PDE1C: variants seen among roughly 807,000 people sequenced by gnomAD.
PDE1C encodes the protein phosphodiesterase 1C.
Under a neutral mutation model 93.1 loss-of-function variants are expected in PDE1C, and 62 were observed. The ratio of observed to expected loss-of-function variants is 0.67; its 90% CI spans 0.54 to 0.82. The LOEUF (loss-of-function observed/expected upper bound fraction) is 0.82. Ranked by LOEUF, PDE1C falls within the 40% of genes least tolerant of loss-of-function variation. The pLI, the probability that PDE1C is intolerant of heterozygous loss-of-function variation, is 0.00. For synonymous variants in PDE1C, 325 were observed against 310.1 expected (o/e 1.05, Z -0.50); for missense variants, 742 against 884.6 (o/e 0.84, Z 2.04).
intron 1 of PDE1C, among the ~76,000 whole-genome samples, chr7:32,312,183 C>G (rs1471767797): frequency 1.3e-5 from 2 of 152,130 alleles, no homozygotes; most frequent in South Asian, 2.1e-4. Context: ...AAATACCTAG[C>G]AATCCAACTT....
intron 2 of PDE1C, among the ~76,000 whole-genome samples, chr7:32,171,023 C>T (rs1802614298): frequency 6.6e-6 from 1 of 152,188 alleles, no homozygotes; most frequent in African/African-American, 2.4e-5. Context: ...TTGCCTGTTC[C>T]TTCTTGCAGA....
chr7:31,872,493 C>A (rs1796064849), intron 6 of PDE1C, among the ~76,000 whole-genome samples: 1 of 152,032 alleles, frequency 6.6e-6, no homozygotes, highest in South Asian at 2.1e-4. Flanking sequence ...ATCACATGTA[C>A]CCTATAAATA....
chr7:31,895,793 A>T (rs1010943841), intron 2 of PDE1C, among the ~76,000 whole-genome samples: 5 of 152,090 alleles, frequency 3.3e-5, no homozygotes, highest in African/African-American at 1.2e-4. Context: ...TTTTATAAAG[A>T]GCAGTTCCCC....
chr7:32,011,223 C>T (rs982878037), intron 2 of PDE1C, among the ~76,000 whole-genome samples: 9 of 150,674 alleles, frequency 6.0e-5, no homozygotes, highest in African/African-American at 7.3e-5. Flanking sequence ...GAAGAAGTCT[C>T]GCTCTGTTGC....
At chr7:31,784,429 C>G (rs1783703053) in intron 16 of PDE1C, 1 of 152,188 alleles carries the variant, frequency 6.6e-6, no homozygotes. Context: ...CAAGCTATTT[C>G]TGCCTCCCCA....
intron 17 of PDE1C, among the ~76,000 whole-genome samples, chr7:31,770,944 A>G (rs1795452125): frequency 6.6e-6 from 1 of 152,164 alleles, no homozygotes; most frequent in African/African-American, 2.4e-5. Flanking sequence ...TTATACTATC[A>G]ACTGATAGTT....
intron 1 of PDE1C, among the ~76,000 whole-genome samples, chr7:32,395,267 A>T (rs966707439): frequency 1.3e-5 from 2 of 152,230 alleles, no homozygotes; most frequent in Non-Finnish European, 1.5e-5. Flanking sequence ...TAAGTGCAGC[A>T]GTCAAAACAG....
Position 31,916,043 on chromosome 7 carries a change from A to T in PDE1C, c.129-35183T>A, listed in dbSNP as rs186493966. Among the ~76,000 whole-genome samples, 1,269 of 150,486 alleles carry T rather than the reference A, an allele frequency of 8.4e-3. 21 individuals carry two copies. The highest frequency in any genetic ancestry group is 0.03 in the African/African-American group (1,190 of 39,942). ...ATAAGGAAGTTACTTTCTGCCAGGT[A>T]TGGGGGGGGCACCTCTCAAATGAGG... On this transcript the variant is annotated intron_variant, in intron 2 of 17. Coordinates refer to ENST00000396191, the MANE Select transcript of PDE1C (RefSeq NM_001191057.4).
intron 1 of PDE1C, among the ~76,000 whole-genome samples, chr7:32,365,117 C>T (rs944512009): frequency 6.6e-6 from 1 of 152,154 alleles, no homozygotes; most frequent in Non-Finnish European, 1.5e-5. Flanking sequence ...AAGCTTCTAG[C>T]CTGCCCAGTG....
chr7:31,882,387 T>C (rs762724316), intron 2 of PDE1C, among the ~76,000 whole-genome samples: 2 of 152,042 alleles, frequency 1.3e-5, no homozygotes, highest in Non-Finnish European at 2.9e-5. Flanking sequence ...CACAGAAGGA[T>C]AGCCAGCCTG....
At chr7:32,312,389 G>A (rs1483042277) in intron 1 of PDE1C, among the ~76,000 whole-genome samples, 2 of 151,836 alleles carry the variant, frequency 1.3e-5, no homozygotes, top group African/African-American at 4.8e-5. Flanking sequence ...TTTCTTCACA[G>A]AATTGGAAAA....
intron 1 of PDE1C, among the ~76,000 whole-genome samples, chr7:32,373,975 C>A (rs1784375218): frequency 6.6e-6 from 1 of 150,384 alleles, no homozygotes; most frequent in South Asian, 2.1e-4. Flanking sequence ...CCAGCCTAGG[C>A]AACAGAGTGA....
intron 2 of PDE1C, among the ~76,000 whole-genome samples, chr7:32,208,365 T>C (rs550519141): frequency 6.6e-6 from 1 of 152,074 alleles, no homozygotes; most frequent in South Asian, 2.1e-4. Context: ...ATTTATAGAG[T>C]TCCTCCCTGG....
intron 1 of PDE1C, among the ~76,000 whole-genome samples, chr7:32,356,808 T>G (rs7808851): frequency 6.6e-6 from 1 of 152,140 alleles, no homozygotes; most frequent in Non-Finnish European, 1.5e-5. Context: ...CAACTCATTT[T>G]CTTTACAAAT....
At chr7:32,307,801 A>T (rs1813050353) in intron 1 of PDE1C, among the ~76,000 whole-genome samples, 1 of 152,246 alleles carries the variant, frequency 6.6e-6, no homozygotes, top group South Asian at 2.1e-4. Context: ...TCCCAGCATA[A>T]GCGACACAGA....
At chr7:31,699,066 T>C in the PDE1C span, among the ~76,000 whole-genome samples, 1 of 152,168 alleles carries the variant, frequency 6.6e-6, no homozygotes, top group Non-Finnish European at 1.5e-5. Flanking sequence ...ATATTCTAGG[T>C]GGGAGAGATA....
chr7:31,989,580 C>A (rs570362736), intron 2 of PDE1C, among the ~76,000 whole-genome samples: 85 of 150,666 alleles, frequency 5.6e-4, no homozygotes, highest in African/African-American at 1.9e-3. Context: ...GTTTCTCAAA[C>A]ACTTTCTACA....
intron 1 of PDE1C, among the ~76,000 whole-genome samples, chr7:32,058,275 G>A (rs922316789): frequency 7.2e-5 from 11 of 152,126 alleles, no homozygotes; most frequent in South Asian, 2.1e-4. Flanking sequence ...CACACAGACC[G>A]CTTCGGAAAG....
chr7:32,331,211 T>C (rs1299026357), intron 1 of PDE1C, among the ~76,000 whole-genome samples: 1 of 152,156 alleles, frequency 6.6e-6, no homozygotes, highest in African/African-American at 2.4e-5. Flanking sequence ...AGCTCCATCC[T>C]CAGAAGGATC....
Sources: gnomAD v4.1 joint callset for allele counts (sites outside exome capture counted in the v4.1 genomes callset) on GRCh38, gnomAD v4.1.1 for gene constraint, MANE v1.5 for transcripts, NCBI Gene and HGNC (gene_info 2026-07-23, HGNC 2026-07-21) for gene names.